RNF130: variants seen among roughly 807,000 people sequenced by gnomAD.
RNF130 encodes the protein E3 ubiquitin-protein ligase RNF130.
A neutral mutation model predicts 44.6 loss-of-function variants in RNF130; 21 were observed. That is an observed-to-expected ratio of 0.47 (90% CI 0.33 to 0.68). The LOEUF (loss-of-function observed/expected upper bound fraction) is 0.68. Among genes scored for constraint, RNF130 ranks in the 30% least tolerant of loss-of-function variants. The probability of loss-of-function intolerance (pLI) is 0.02; values close to 1 mark genes in which losing one functional copy is unlikely to be tolerated. For missense variants in RNF130, 479 were observed against 560.6 expected (o/e 0.85, Z 1.47); for synonymous variants, 214 against 210.4 (o/e 1.02, Z -0.15).
chr5:179,985,461 G>A (rs1445945634), intron 3 of RNF130, among the ~76,000 whole-genome samples: 1 of 152,028 alleles, frequency 6.6e-6, no homozygotes, highest in Non-Finnish European at 1.5e-5. Flanking sequence ...TTGAATTAGA[G>A]GCATGTCTGG....
At chr5:180,017,814 C>T (rs1384383990) in intron 2 of RNF130, among the ~76,000 whole-genome samples, 2 of 152,174 alleles carry the variant, frequency 1.3e-5, no homozygotes, top group Admixed American at 6.5e-5. Flanking sequence ...GCTCCGGAAT[C>T]GGAGGGTCTA....
chr5:180,036,385 C>A (rs1275755291), intron 2 of RNF130, among the ~76,000 whole-genome samples: 2 of 152,188 alleles, frequency 1.3e-5, no homozygotes, highest in Non-Finnish European at 2.9e-5. Context: ...GAAGTCACTT[C>A]CACAGACAGT....
intron 8 of RNF130, chr5:179,956,333 G>A (rs191132024): frequency 6.6e-6 from 1 of 152,226 alleles, no homozygotes; most frequent in Non-Finnish European, 1.5e-5. Context: ...CCAGATCTCT[G>A]CTTCAAACCA....
In RNF130 at chr5:179,970,553, T is replaced by G; in HGVS notation, c.849-47A>C. ...TGTCACAAGTTACATACCAAGAAAC[T>G]TATTAGGCCAAAATGGAAAGAAAGG... is the stretch of plus-strand genomic sequence containing the variant. On this transcript the variant is annotated intron_variant, in intron 5 of 8. Transcript: ENST00000521389. The G allele has an allele frequency of 2.8e-6, 4 of 1,420,488 alleles. No individual in the cohort carries two copies. In the East Asian group the frequency reaches 9.2e-5, roughly 33 times the overall value. 88.0% of individuals were successfully genotyped at this position (1,420,488 alleles called of 1,614,324 possible). A position where few individuals can be genotyped will look rare whatever the true frequency, so the allele number is the denominator to read the frequency against.
chr5:179,926,990 G>A (rs1761717252), intron 7 of RNF130, among the ~76,000 whole-genome samples: 1 of 152,340 alleles, frequency 6.6e-6, no homozygotes, highest in South Asian at 2.1e-4. Context: ...CTGACTGTTG[G>A]TCACGGAAGT....
At chr5:179,926,471 C>A (rs970905877) in intron 7 of RNF130, among the ~76,000 whole-genome samples, 6 of 152,106 alleles carry the variant, frequency 3.9e-5, no homozygotes, top group South Asian at 2.1e-4. Context: ...CATGGTGAAA[C>A]CCTGTCTCTA....
intron 8 of RNF130, among the ~76,000 whole-genome samples, chr5:179,957,609 C>A (rs1258738080): frequency 3.3e-5 from 5 of 152,278 alleles, no homozygotes; most frequent in African/African-American, 1.2e-4. Context: ...AAGGTTGGAA[C>A]CAGAGGTGCT....
At chr5:179,939,463 C>T (rs570279073) in intron 7 of RNF130, 3 of 189,512 alleles carry the variant, frequency 1.6e-5, no homozygotes, top group South Asian at 2.1e-4. Flanking sequence ...CGTTTTTGTT[C>T]GATGACTTTG....
At chr5:179,930,386 G>T (rs1038116510) in intron 7 of RNF130, among the ~76,000 whole-genome samples, 1 of 152,224 alleles carries the variant, frequency 6.6e-6, no homozygotes, top group East Asian at 1.9e-4. Flanking sequence ...CTTATTGTTA[G>T]TCTATAGAAA....
chr5:179,970,879 A>G (rs563321564), intron 5 of RNF130, among the ~76,000 whole-genome samples: 2 of 152,374 alleles, frequency 1.3e-5, no homozygotes, highest in Admixed American at 1.3e-4. Flanking sequence ...TCAAAAAGAT[A>G]CTAAATCATG....
chr5:180,065,637 G>A (rs1015387785), intron 1 of RNF130, among the ~76,000 whole-genome samples: 1 of 152,054 alleles, frequency 6.6e-6, no homozygotes, highest in Non-Finnish European at 1.5e-5. Context: ...GTGGGCACCT[G>A]TAATCCCAGC....
intron 7 of RNF130, among the ~76,000 whole-genome samples, chr5:179,923,079 CT>C: frequency 6.6e-6 from 1 of 151,952 alleles, no homozygotes; most frequent in Non-Finnish European, 1.5e-5. Context: ...TGATTTTTTC[CT>C]ATTATAGTTT....
exon 8 of RNF130, chr5:179,917,629 C>T (rs1238265364): frequency 6.6e-6 from 1 of 152,258 alleles, no homozygotes; most frequent in Non-Finnish European, 1.5e-5. Flanking sequence ...CGGCCACTTC[C>T]TGCCAGGGTC....
At chr5:180,015,050 C>G (rs1340388023) in intron 2 of RNF130, among the ~76,000 whole-genome samples, 1 of 152,100 alleles carries the variant, frequency 6.6e-6, no homozygotes, top group African/African-American at 2.4e-5. Context: ...GAACATATAC[C>G]TTTTTACTAC....
chr5:179,931,790 C>A (rs998126903), intron 7 of RNF130, among the ~76,000 whole-genome samples: 2 of 124,888 alleles, frequency 1.6e-5, no homozygotes, highest in Non-Finnish European at 3.3e-5. Flanking sequence ...AAACAAACAA[C>A]AAAACTACAG....
chr5:179,940,811 T>C (rs1310473840), intron 7 of RNF130, among the ~76,000 whole-genome samples: 1 of 152,086 alleles, frequency 6.6e-6, no homozygotes, highest in East Asian at 1.9e-4. Flanking sequence ...ATTCTCTGTC[T>C]TCTCTCCTTC....
intron 1 of RNF130, among the ~76,000 whole-genome samples, chr5:180,053,319 C>T (rs1459748797): frequency 2.6e-5 from 4 of 151,950 alleles, no homozygotes; most frequent in Non-Finnish European, 2.9e-5. Flanking sequence ...ATGCAGGCCC[C>T]GAACAGAAGT....
intron 3 of RNF130, among the ~76,000 whole-genome samples, chr5:180,008,382 G>C (rs1054944258): frequency 6.6e-6 from 1 of 152,146 alleles, no homozygotes; most frequent in Non-Finnish European, 1.5e-5. Context: ...TCCTCAGGAA[G>C]AAAAGCTGTG....
At chr5:179,921,128 T>C (rs1187241517) in intron 7 of RNF130, among the ~76,000 whole-genome samples, 1 of 152,210 alleles carries the variant, frequency 6.6e-6, no homozygotes, top group African/African-American at 2.4e-5. Flanking sequence ...GGGGTATAAC[T>C]GACATACAAT....
Sources: allele counts gnomAD v4.1 joint callset (sites outside exome capture counted in the v4.1 genomes callset), GRCh38; gene constraint gnomAD v4.1.1; transcripts MANE v1.5; gene names NCBI Gene and HGNC (gene_info 2026-07-23, HGNC 2026-07-21).